SLC27A6: variants seen among roughly 807,000 people sequenced by gnomAD.
SLC27A6 encodes the protein solute carrier family 27 member 6, also known as long-chain fatty acid transport protein 6.
SLC27A6 carries 74 observed loss-of-function variants against 63.9 expected under a neutral mutation model. The observed-to-expected ratio is 1.16, with a 90% confidence interval of 0.96 to 1.40. The LOEUF is 1.40. Among genes scored for constraint, SLC27A6 ranks in the 40% most tolerant of loss-of-function variants. The pLI is 0.00. For missense variants in SLC27A6, 794 were observed against 732.9 expected, an observed-to-expected ratio of 1.08 and a Z score of -0.96; for synonymous variants, 287 against 260.8, an observed-to-expected ratio of 1.10 and a Z score of -0.97.
intron 7 of SLC27A6, 34 bp downstream of exon 7, chr5:129,027,365 G>A: frequency 1.3e-6 from 2 of 1,502,512 alleles, no homozygotes. Context: ...AGCTTGTTCT[G>A]TAATTGTGAA....
intron 5 of SLC27A6, among the ~76,000 whole-genome samples, chr5:129,016,410 A>G (rs194460): frequency 0.22 from 31,503 of 146,442 alleles, 3,809 homozygotes; most frequent in Middle Eastern, 0.28. Flanking sequence ...AAAAAAAAAA[A>G]AAAAAAAAGG....
chr5:128,975,464 G>A (rs563126752), intron 1 of SLC27A6, among the ~76,000 whole-genome samples: 3 of 152,196 alleles, frequency 2.0e-5, no homozygotes, highest in Admixed American at 2.0e-4. Flanking sequence ...ACACCTAGGC[G>A]CTGTGGTATG....
In SLC27A6 at chr5:128,966,544, A is replaced by G. The variant is rs1749907252; in HGVS notation, c.407A>G (p.Asn136Ser). 6.3e-7 allele frequency: 1 copy of G among 1,586,190 alleles called. No homozygotes were observed. The highest frequency in any genetic ancestry group is 8.6e-7 in the Non-Finnish European group (1 of 1,169,542). The change falls in exon 1 of 10, where the codon AAC (asparagine) becomes AGC (serine). Residue 136 changes from asparagine to serine, a missense_variant. Asn to Ser is a conservative substitution (Grantham distance 46, BLOSUM62 1). Transcript: ENST00000262462. ...AKLGCVVAFL[N>S]TNIRSNSLLN... ...CTGGGCTGCGTGGTGGCCTTTCTCA[A>G]CACCAACATTCGCTCCAACTCCCTC...
intron 2 of SLC27A6, 65 bp downstream of exon 2, chr5:128,985,401 C>A: frequency 2.2e-6 from 3 of 1,339,580 alleles, no homozygotes; most frequent in South Asian, 1.2e-5. Context: ...CAGTGTTGGG[C>A]AAATTTCTAC....
chr5:129,031,928 C>T (rs1752429118), intron 9 of SLC27A6, among the ~76,000 whole-genome samples: 1 of 151,712 alleles, frequency 6.6e-6, no homozygotes, highest in Non-Finnish European at 1.5e-5. Context: ...GAAGGGAGAT[C>T]AGGGAAGGGG....
chr5:128,978,355 A>T (rs1312358686), intron 1 of SLC27A6, among the ~76,000 whole-genome samples: 3 of 152,188 alleles, frequency 2.0e-5, no homozygotes, highest in Non-Finnish European at 4.4e-5. Context: ...GTGTTACCTT[A>T]AAAAAGTTAC....
In SLC27A6 at chr5:128,985,334, C is replaced by G. The variant is rs201551256; in HGVS notation, c.683C>G (p.Thr228Arg). 1.2e-6 allele frequency: 2 copies of G among 1,612,488 alleles called. No individual in the cohort carries two copies. Among genetic ancestry groups the G allele is most frequent in the Non-Finnish European group, 1.7e-6 (2 of 1,178,772 alleles). ...CTTTACATTTTTACCTCTGGAACAA[C>G]AGGTATGATCCAATTCTTTTGAAGG... ...TCLYIFTSGTTGLPKAAVISQ... is the reference protein window; with the variant it reads ...TCLYIFTSGTRGLPKAAVISQ... Residue 228 changes from threonine (T) to arginine (R), a missense_variant and splice_region_variant, in exon 2 of 10, where the codon ACA becomes AGA. Transcript: ENST00000262462.
Position 129,028,314 on chromosome 5 carries a change from C to T in SLC27A6, c.1455-31C>T, listed in dbSNP as rs1360313692. 2.1e-6 allele frequency: 3 copies of T among 1,410,258 alleles called. No homozygotes were observed. In the South Asian group the frequency reaches 3.5e-5, roughly 16 times the overall value. 87.4% of individuals were successfully genotyped at this position (1,410,258 alleles called of 1,614,324 possible). On this transcript the variant is annotated intron_variant, in intron 7 of 9. Coordinates refer to ENST00000262462, the MANE Select transcript of SLC27A6 (RefSeq NM_001017372.3). The stretch of plus-strand genomic sequence containing the variant: ...GTACCTAGTTTTTCAAATACAGGTG[C>T]ACTAACTGGAATTTGATTTTTTTCA...
At chr5:128,973,664 C>T (rs1750273023) in intron 1 of SLC27A6, among the ~76,000 whole-genome samples, 3 of 152,144 alleles carry the variant, frequency 2.0e-5, no homozygotes. Context: ...CCCGAGTTTC[C>T]AGGTACCGTC....
intron 5 of SLC27A6, among the ~76,000 whole-genome samples, chr5:129,022,800 G>A (rs1170097815): frequency 6.6e-6 from 1 of 152,062 alleles, no homozygotes; most frequent in Non-Finnish European, 1.5e-5. Flanking sequence ...ACTGTAGCCT[G>A]GGTGACAGAG....
At chr5:128,991,320 A>G (rs189440695) in intron 4 of SLC27A6, among the ~76,000 whole-genome samples, 54 of 152,310 alleles carry the variant, frequency 3.5e-4, no homozygotes, top group African/African-American at 1.2e-3. Context: ...GGCCTAGGAA[A>G]TCCAGCTAGT....
intron 5 of SLC27A6, among the ~76,000 whole-genome samples, chr5:129,019,921 T>C (rs1422314506): frequency 6.6e-6 from 1 of 152,028 alleles, no homozygotes; most frequent in Non-Finnish European, 1.5e-5. Context: ...ATTTCTACCC[T>C]AATAGAGGAA....
chr5:128,985,016 A>G (rs1208239820), intron 1 of SLC27A6, 117 bp from the exon 2 acceptor site: 3 of 695,372 alleles, frequency 4.3e-6, no homozygotes, highest in East Asian at 2.7e-5. Context: ...CCAACATAAG[A>G]AGGAAATCAG....
chr5:128,987,096 A>G (rs1750815548), intron 2 of SLC27A6, among the ~76,000 whole-genome samples: 1 of 152,202 alleles, frequency 6.6e-6, no homozygotes, highest in African/African-American at 2.4e-5. Context: ...ACAGAGGTTT[A>G]AAAAGTAGGG....
At position 128,990,477 on chromosome 5, in the gene SLC27A6, A is replaced by G; in HGVS notation, c.969+13A>G. The G allele has an allele frequency of 6.3e-7, 1 of 1,593,084 alleles. No homozygotes were observed. Among genetic ancestry groups the G allele is most frequent in the South Asian group, 1.2e-5 (1 of 86,828 alleles). On this transcript the variant is annotated intron_variant, in intron 4 of 9. Coordinates refer to ENST00000262462, the MANE Select transcript of SLC27A6 (RefSeq NM_001017372.3). ...CAAACAATCTAAGGTAGGCGTAATC[A>G]TTATCAGAAAAAAATATGTCAGAAA...
At chr5:128,970,857 C>A (rs949211427) in intron 1 of SLC27A6, among the ~76,000 whole-genome samples, 7 of 151,076 alleles carry the variant, frequency 4.6e-5, no homozygotes, top group Admixed American at 1.3e-4. Flanking sequence ...GTTAGGGTGT[C>A]AATTTTAGAT....
At chr5:129,001,225 A>G (rs1751321475) in intron 4 of SLC27A6, among the ~76,000 whole-genome samples, 1 of 152,146 alleles carries the variant, frequency 6.6e-6, no homozygotes, top group Admixed American at 6.5e-5. Flanking sequence ...AAAGAAGTGC[A>G]TACTCTCTCC....
intron 6 of SLC27A6, 99 bp from the exon 7 acceptor site, chr5:129,027,034 G>A (rs1752265769): frequency 2.1e-6 from 2 of 952,538 alleles, no homozygotes; most frequent in African/African-American, 1.6e-5. Context: ...GAGATAAGCA[G>A]CATTGGTTGT....
At chr5:129,020,384 T>C (rs762089743) in intron 5 of SLC27A6, among the ~76,000 whole-genome samples, 150 of 152,254 alleles carry the variant, frequency 9.9e-4, no homozygotes, top group Non-Finnish European at 1.5e-3. Context: ...TGCCTGATGG[T>C]GAACATTGGA....
Sources: allele counts gnomAD v4.1 joint callset (sites outside exome capture counted in the v4.1 genomes callset), GRCh38; gene constraint gnomAD v4.1.1; transcripts MANE v1.5; gene names NCBI Gene and HGNC (gene_info 2026-07-23, HGNC 2026-07-21).